Variants in DAB2IP observed in about 807,000 individuals in gnomAD.
DAB2IP encodes the protein disabled homolog 2-interacting protein.
DAB2IP carries 28 observed loss-of-function variants against 107.2 expected under a neutral mutation model. The ratio of observed to expected loss-of-function variants is 0.26; its 90% CI spans 0.19 to 0.36. The LOEUF (loss-of-function observed/expected upper bound fraction) is 0.36. Ranked by LOEUF, DAB2IP falls within the 10% of genes least tolerant of loss-of-function variation. DAB2IP has a pLI of 1.00. For missense variants in DAB2IP, 1,400 were observed against 1,644.7 expected, an observed-to-expected ratio of 0.85 and a Z score of 2.57; for synonymous variants, 755 against 706.4, an observed-to-expected ratio of 1.07 and a Z score of -1.09.
chr9:121,746,698 T>A (rs767352813), intron 3 of DAB2IP, among the ~76,000 whole-genome samples: 5 of 152,158 alleles, frequency 3.3e-5, no homozygotes, highest in Non-Finnish European at 7.4e-5. Flanking sequence ...GCTTCCTGGA[T>A]GTGGAGAGCT....
intron 3 of DAB2IP, among the ~76,000 whole-genome samples, chr9:121,709,048 C>T (rs1830199257): frequency 6.6e-6 from 1 of 152,210 alleles, no homozygotes; most frequent in Admixed American, 6.5e-5. Context: ...CGCCAGTTGC[C>T]ATGGAGGTTA....
intron 3 of DAB2IP, among the ~76,000 whole-genome samples, chr9:121,748,438 C>T (rs1157322029): frequency 1.3e-5 from 2 of 152,218 alleles, no homozygotes; most frequent in African/African-American, 2.4e-5. Flanking sequence ...CCTAGCCAAG[C>T]CACTCCCTGT....
exon 12 of DAB2IP, chr9:121,773,097 C>T (rs570697072): frequency 6.8e-6 from 11 of 1,612,416 alleles, no homozygotes; most frequent in Non-Finnish European, 6.8e-6. Context: ...CCACAGCTCC[C>T]TGAGCTCACA....
chr9:121,642,029 C>CTCTT (rs1156645580), intron 1 of DAB2IP, among the ~76,000 whole-genome samples: 346 of 26,464 alleles, frequency 0.013, 3 homozygotes, highest in Middle Eastern at 0.019. Context: ...CTCTCTCTCT[C>CTCTT]TCTTTCTTTC....
intron 1 of DAB2IP, among the ~76,000 whole-genome samples, chr9:121,632,954 G>A (rs1056156769): frequency 4.6e-5 from 7 of 152,228 alleles, no homozygotes; most frequent in African/African-American, 1.7e-4. Context: ...AATTCCATAT[G>A]CACTTTCCCC....
At chr9:121,618,228 G>T (rs191178292) in intron 1 of DAB2IP, among the ~76,000 whole-genome samples, 2 of 152,244 alleles carry the variant, frequency 1.3e-5, no homozygotes, top group African/African-American at 4.8e-5. Flanking sequence ...TCTCCACTGA[G>T]CTGGGAATGG....
intron 1 of DAB2IP, among the ~76,000 whole-genome samples, chr9:121,577,274 G>A (rs150557946): frequency 6.6e-6 from 1 of 152,204 alleles, no homozygotes; most frequent in South Asian, 2.1e-4. Context: ...ATTGTCTCGG[G>A]AGAGTGGGGG....
chr9:121,751,080 T>C (rs574540323), intron 3 of DAB2IP: 1 of 219,734 alleles, frequency 4.6e-6, no homozygotes, highest in African/African-American at 2.4e-5. Context: ...TGTGGACCTT[T>C]CCCTGCTGCC....
At chr9:121,742,316 C>T (rs141954652) in intron 3 of DAB2IP, among the ~76,000 whole-genome samples, 2,238 of 152,336 alleles carry the variant, frequency 0.015, 24 homozygotes, top group South Asian at 0.027. Flanking sequence ...GTAATCCTAG[C>T]TACTCGGGAG....
At chr9:121,600,322 G>A (rs1353329175) in intron 1 of DAB2IP, among the ~76,000 whole-genome samples, 1 of 152,172 alleles carries the variant, frequency 6.6e-6, no homozygotes, top group Non-Finnish European at 1.5e-5. Flanking sequence ...GGCAGGGCTG[G>A]GTCGTTGAAG....
chr9:121,709,564 A>G (rs891467205), intron 3 of DAB2IP, among the ~76,000 whole-genome samples: 1 of 152,190 alleles, frequency 6.6e-6, no homozygotes, highest in Non-Finnish European at 1.5e-5. Context: ...ACAGCTCATA[A>G]GTGGCAGAGC....
At chr9:121,567,279 C>A in intron 1 of DAB2IP, 1 of 1,612,440 alleles carries the variant, frequency 6.2e-7, no homozygotes, top group South Asian at 1.1e-5. Context: ...CCTCTCTGCT[C>A]AACAGACTTT....
chr9:121,773,538 C>A, intron 12 of DAB2IP, 43 bp downstream of exon 12: 2 of 1,431,888 alleles, frequency 1.4e-6, no homozygotes, highest in East Asian at 5.1e-5. Flanking sequence ...CACTTGGGCC[C>A]AGCTGGGGCT....
intron 2 of DAB2IP, among the ~76,000 whole-genome samples, chr9:121,690,380 CT>C (rs1292421034): frequency 6.6e-6 from 1 of 152,128 alleles, no homozygotes; most frequent in Non-Finnish European, 1.5e-5. Context: ...GTGTAACCTC[CT>C]GGTGGAATCG....
chr9:121,585,714 A>G (rs2789881), intron 1 of DAB2IP, among the ~76,000 whole-genome samples: 149,958 of 152,220 alleles, frequency 0.99, 73,913 homozygotes, highest in East Asian at 1. Flanking sequence ...AATTAGCCAG[A>G]CATGTGGTGC....
intron 8 of DAB2IP, 92 bp downstream of exon 8, chr9:121,763,971 C>A (rs1834079044): frequency 6.5e-7 from 1 of 1,543,752 alleles, no homozygotes; most frequent in South Asian, 1.2e-5. Context: ...TGCTGCCTGG[C>A]CCCTGAGTTG....
chr9:121,739,107 C>G (rs1046369335), intron 3 of DAB2IP, among the ~76,000 whole-genome samples: 1 of 152,236 alleles, frequency 6.6e-6, no homozygotes, highest in Non-Finnish European at 1.5e-5. Flanking sequence ...ATGAAGGAAA[C>G]AAGCCAAGTG....
At chr9:121,696,134 G>T (rs1227079497) in intron 2 of DAB2IP, among the ~76,000 whole-genome samples, 1 of 152,204 alleles carries the variant, frequency 6.6e-6, no homozygotes, top group Non-Finnish European at 1.5e-5. Context: ...CTCCCAAAGT[G>T]CTGGGATTAC....
intron 1 of DAB2IP, among the ~76,000 whole-genome samples, chr9:121,618,847 T>A (rs1329437322): frequency 6.6e-6 from 1 of 152,038 alleles, no homozygotes; most frequent in Non-Finnish European, 1.5e-5. Context: ...TTTGCCTTGG[T>A]GGTGGGGGTG....
Sources: gnomAD v4.1 joint callset for allele counts (sites outside exome capture counted in the v4.1 genomes callset) on GRCh38, gnomAD v4.1.1 for gene constraint, MANE v1.5 for transcripts, NCBI Gene and HGNC (gene_info 2026-07-23, HGNC 2026-07-21) for gene names.